Variants in HECW1 observed in about 807,000 individuals in gnomAD.
The protein encoded by HECW1 is HECT, C2 and WW domain containing E3 ubiquitin protein ligase 1.
Under a neutral mutation model 182.3 loss-of-function variants are expected in HECW1, and 61 were observed. That is an observed-to-expected ratio of 0.33 (90% CI 0.27 to 0.41). HECW1 has a LOEUF of 0.41. HECW1 is among the 10% of genes least tolerant of loss of function. The probability of loss-of-function intolerance (pLI) is 1.00; values close to 1 mark genes in which losing one functional copy is unlikely to be tolerated. For synonymous variants in HECW1, 859 were observed against 832.6 expected, an observed-to-expected ratio of 1.03 and a Z score of -0.55; for missense variants, 1,739 against 2,108.9, an observed-to-expected ratio of 0.82 and a Z score of 3.44.
At chr7:43,251,372 C>T (rs910511002) in intron 3 of HECW1, among the ~76,000 whole-genome samples, 3 of 152,086 alleles carry the variant, frequency 2.0e-5, no homozygotes, top group Non-Finnish European at 4.4e-5. Flanking sequence ...TGCGATAGCG[C>T]GGCCTTGGCT....
At chr7:43,531,927 C>T (rs572964990) in intron 24 of HECW1, among the ~76,000 whole-genome samples, 1 of 152,336 alleles carries the variant, frequency 6.6e-6, no homozygotes, top group South Asian at 2.1e-4. Flanking sequence ...TGTCCAGATG[C>T]CTGGCTTCAA....
intron 2 of HECW1, among the ~76,000 whole-genome samples, chr7:43,198,060 CCACA>C (rs374482624): frequency 6.6e-6 from 1 of 151,228 alleles, no homozygotes; most frequent in Non-Finnish European, 1.5e-5. Context: ...GTCACACACC[CCACA>C]CACACACTCT....
At chr7:43,209,445 A>G (rs746914128) in intron 2 of HECW1, among the ~76,000 whole-genome samples, 3 of 152,080 alleles carry the variant, frequency 2.0e-5, no homozygotes, top group Non-Finnish European at 2.9e-5. Context: ...TTTCAGGCCA[A>G]TGACTATTAT....
chr7:43,385,367 C>T (rs920381103), intron 6 of HECW1, among the ~76,000 whole-genome samples: 1 of 147,544 alleles, frequency 6.8e-6, no homozygotes, highest in Non-Finnish European at 1.5e-5. Context: ...TTGCAGCTGC[C>T]TCCAAATTAG....
At chr7:43,489,656 T>A (rs2078855061) in intron 17 of HECW1, among the ~76,000 whole-genome samples, 1 of 152,200 alleles carries the variant, frequency 6.6e-6, no homozygotes, top group Admixed American at 6.5e-5. Flanking sequence ...AACAGATGCA[T>A]CTGCATCTCT....
chr7:43,189,546 C>T (rs1042948995), intron 2 of HECW1, among the ~76,000 whole-genome samples: 28 of 152,028 alleles, frequency 1.8e-4, no homozygotes, highest in Admixed American at 6.6e-5. Flanking sequence ...TATCATGAAG[C>T]TGCTTCTTCT....
At chr7:43,549,980 T>C (rs1351345019) in intron 26 of HECW1, among the ~76,000 whole-genome samples, 1 of 152,144 alleles carries the variant, frequency 6.6e-6, no homozygotes, top group Non-Finnish European at 1.5e-5. Flanking sequence ...AACTGTAGCC[T>C]TTCCAAGGTG....
intron 2 of HECW1, among the ~76,000 whole-genome samples, chr7:43,184,965 C>A (rs1583865305): frequency 1.3e-5 from 2 of 152,004 alleles, no homozygotes; most frequent in Admixed American, 1.3e-4. Context: ...CTATACAGTA[C>A]CAAGGGAGCA....
chr7:43,164,681 T>G lies in HECW1; in HGVS notation c.-32+50290T>G, dbSNP rs527531902. Among the ~76,000 whole-genome samples, 588 of 152,312 alleles carry G rather than the reference T, an allele frequency of 3.9e-3. 3 individuals carry two copies. The highest frequency in any genetic ancestry group is 0.014 in the African/African-American group (563 of 41,578). ...GTTTCAGGGCCACTGGACTGGACTTTCCTTTTGGTGTGGAGGGAGGGAGAA... is the reference window on the plus strand; with the variant it reads ...GTTTCAGGGCCACTGGACTGGACTTGCCTTTTGGTGTGGAGGGAGGGAGAA... On this transcript the variant is annotated intron_variant, in intron 2 of 29. Coordinates refer to ENST00000395891, the MANE Select transcript of HECW1 (RefSeq NM_015052.5).
At chr7:43,280,533 T>C (rs889298121) in intron 3 of HECW1, among the ~76,000 whole-genome samples, 1 of 152,176 alleles carries the variant, frequency 6.6e-6, no homozygotes, top group East Asian at 1.9e-4. Context: ...ATTTGATGAA[T>C]TGTAGTTCCT....
intron 2 of HECW1, among the ~76,000 whole-genome samples, chr7:43,210,553 C>G (rs146152118): frequency 6.6e-6 from 1 of 151,982 alleles, no homozygotes; most frequent in Non-Finnish European, 1.5e-5. Flanking sequence ...CTGCAAGCCT[C>G]GTGTTCGCTA....
intron 5 of HECW1, among the ~76,000 whole-genome samples, chr7:43,337,306 G>C (rs1326385253): frequency 6.6e-6 from 1 of 152,160 alleles, no homozygotes; most frequent in Admixed American, 6.5e-5. Flanking sequence ...TTGAGCATGT[G>C]TTTGTTGACC....
At chr7:43,463,345 C>T (rs2077652130) in intron 13 of HECW1, among the ~76,000 whole-genome samples, 1 of 152,154 alleles carries the variant, frequency 6.6e-6, no homozygotes, top group South Asian at 2.1e-4. Flanking sequence ...TTCCCACACT[C>T]TTATTTTAGA....
In HECW1 at chr7:43,444,247, C is replaced by A; in HGVS notation, c.1075C>A (p.Pro359Thr). 3 of 1,610,552 alleles carry A rather than the reference C, an allele frequency of 1.9e-6. No homozygotes were observed. The highest frequency in any genetic ancestry group is 2.2e-5 in the South Asian group (2 of 90,942). Residue 359 changes from proline to threonine, a missense_variant, in exon 11 of 30, where the codon CCT becomes ACT. Coordinates refer to ENST00000395891, the MANE Select transcript of HECW1 (RefSeq NM_015052.5). This position sits in a 1 kb window ranked among gnomAD's most constrained non-coding sequence, Gnocchi z 4.3. ...DDEEISLSTEPESAQIQDSPM... is the reference protein window; with the variant it reads ...DDEEISLSTETESAQIQDSPM... ...TGAGGAGATTTCCCTGAGTACCGAG[C>A]CTGAGTCAGCCCAAATTCAGGACAG...
At chr7:43,319,775 A>ATTTTTTTTTTTTTTTT (rs10604163) in intron 4 of HECW1, among the ~76,000 whole-genome samples, 3 of 105,496 alleles carry the variant, frequency 2.8e-5, no homozygotes, top group African/African-American at 1.0e-4. Context: ...AATTTTTGTA[A>ATTTTTTTTTTTTTTTT]TTTTTTTTTT....
intron 8 of HECW1, among the ~76,000 whole-genome samples, chr7:43,437,097 A>G (rs2076736386): frequency 6.6e-6 from 1 of 152,178 alleles, no homozygotes. Flanking sequence ...CTCCCCTACC[A>G]GCCCACTTCC....
intron 2 of HECW1, among the ~76,000 whole-genome samples, chr7:43,176,360 C>A (rs1792246271): frequency 6.6e-6 from 1 of 152,130 alleles, no homozygotes; most frequent in African/African-American, 2.4e-5. Flanking sequence ...ATTTTAGGAC[C>A]ATTTTCATTA....
intron 26 of HECW1, among the ~76,000 whole-genome samples, chr7:43,548,284 G>T (rs2081649541): frequency 6.6e-6 from 1 of 151,002 alleles, no homozygotes; most frequent in African/African-American, 2.4e-5. Context: ...TAATTTTCTA[G>T]GTATGCAGGT....
intron 6 of HECW1, among the ~76,000 whole-genome samples, chr7:43,394,922 G>T (rs942983426): frequency 2.6e-5 from 4 of 152,160 alleles, no homozygotes; most frequent in African/African-American, 7.2e-5. Context: ...TGGGTTGGAG[G>T]GGGTGGAAGC....
Sources: gnomAD v4.1 joint callset for allele counts (sites outside exome capture counted in the v4.1 genomes callset) on GRCh38, gnomAD v4.1.1 for gene constraint, Gnocchi (gnomAD v3.1) non-coding constraint, MANE v1.5 for transcripts, NCBI Gene and HGNC (gene_info 2026-07-23, HGNC 2026-07-21) for gene names.